The following RANBP2 variants were observed in gnomAD, a reference collection of about 807,000 sequenced individuals.
RANBP2 encodes RAN binding protein 2.
In RANBP2, 57 loss-of-function variants were observed where a neutral mutation model predicts 303.6. The observed-to-expected ratio is 0.19, with a 90% CI of 0.15 to 0.23. RANBP2 has a LOEUF of 0.23. RANBP2 is among the 10% of genes least tolerant of loss of function. The probability of loss-of-function intolerance (pLI) is 1.00; values close to 1 mark genes in which losing one functional copy is unlikely to be tolerated. For synonymous variants in RANBP2, 1,167 were observed against 1,301.5 expected (o/e 0.90, Z 2.23); for missense variants, 3,138 against 3,780.8 (o/e 0.83, Z 4.46).
chr2:109,477,973 A>G, the RANBP2 span, among the ~76,000 whole-genome samples: 4 of 152,150 alleles, frequency 2.6e-5, no homozygotes, highest in Non-Finnish European at 5.9e-5. Context: ...GGGTTCCCGC[A>G]AGGGCCTCCT....
chr2:109,713,113 C>T, the RANBP2 span, among the ~76,000 whole-genome samples: 2 of 152,138 alleles, frequency 1.3e-5, no homozygotes, highest in South Asian at 4.1e-4. Context: ...ACCCTCCCTC[C>T]TCTTGCACTG....
chr2:109,290,610 C>T, the RANBP2 span, among the ~76,000 whole-genome samples: 1 of 152,244 alleles, frequency 6.6e-6, no homozygotes, highest in Non-Finnish European at 1.5e-5. Flanking sequence ...CCTAAGTCTT[C>T]TTGAAGCCTC....
the RANBP2 span, chr2:109,129,593 C>A: frequency 6.7e-7 from 1 of 1,483,636 alleles, no homozygotes; most frequent in Non-Finnish European, 8.9e-7. Flanking sequence ...GCCGCTGCTG[C>A]GCAGAGCGAG....
At chr2:109,476,671 G>A in the RANBP2 span, among the ~76,000 whole-genome samples, 3 of 152,192 alleles carry the variant, frequency 2.0e-5, no homozygotes, top group Non-Finnish European at 2.9e-5. Flanking sequence ...TGGATCTCCC[G>A]CAAGAAAGAA....
At chr2:108,778,783 G>A (rs1678047181) in intron 25 of RANBP2, among the ~76,000 whole-genome samples, 1 of 152,282 alleles carries the variant, frequency 6.6e-6, no homozygotes, top group South Asian at 2.1e-4. Context: ...CTGGAGTGCA[G>A]TGGCATGAAC....
At chr2:108,813,760 A>C in the RANBP2 span, among the ~76,000 whole-genome samples, 176 of 152,342 alleles carry the variant, frequency 1.2e-3, no homozygotes, top group Admixed American at 6.6e-3. Flanking sequence ...ACTTTCCACT[A>C]TCCTAGAAAG....
the RANBP2 span, among the ~76,000 whole-genome samples, chr2:109,282,064 AG>A: frequency 6.6e-6 from 1 of 152,050 alleles, no homozygotes; most frequent in East Asian, 1.9e-4. Flanking sequence ...GTGGGATATG[AG>A]TGGGGGCTGC....
chr2:108,757,013 C>T (rs1426267072), intron 17 of RANBP2, among the ~76,000 whole-genome samples: 1 of 152,056 alleles, frequency 6.6e-6, no homozygotes, highest in Non-Finnish European at 1.5e-5. Context: ...TAGTTTTGGA[C>T]CTCATGGTTA....
rs970001064 is a variant in RANBP2, at chr2:108,785,588, T to G, written c.*1687T>G. On this transcript the variant is annotated 3_prime_UTR_variant, in exon 29 of 29. Coordinates refer to ENST00000283195, the MANE Select transcript of RANBP2 (RefSeq NM_006267.5). The stretch of plus-strand genomic sequence containing the variant: ...AAATTTGACAAAATGACATGTAAAC[T>G]GACTTTTCCCGTATTAGTATTCCAA... The G allele has an allele frequency of 2.6e-5, 4 of 152,244 alleles. No homozygotes were observed. Among genetic ancestry groups the G allele is most frequent in the African/African-American group, 9.6e-5 (4 of 41,464 alleles). 9.4% of individuals were successfully genotyped at this position (152,244 alleles called of 1,614,324 possible). A position where few individuals can be genotyped will look rare whatever the true frequency, so the allele number is the denominator to read the frequency against.
At chr2:109,008,590 TAAA>T in the RANBP2 span, among the ~76,000 whole-genome samples, 37,059 of 145,162 alleles carry the variant, frequency 0.26, 6,258 homozygotes, top group East Asian at 0.82. Context: ...AAGAAAAGGG[TAAA>T]AAAAAAAAAA....
the RANBP2 span, among the ~76,000 whole-genome samples, chr2:109,489,989 T>C: frequency 0.027 from 4,145 of 152,274 alleles, 189 homozygotes; most frequent in African/African-American, 0.093. Flanking sequence ...CTGCCCACCT[T>C]GGCCTCCCAA....
At chr2:109,093,018 G>T in the RANBP2 span, among the ~76,000 whole-genome samples, 1 of 152,126 alleles carries the variant, frequency 6.6e-6, no homozygotes, top group Non-Finnish European at 1.5e-5. Flanking sequence ...GTCTTGTTTT[G>T]TATCCTTAAC....
At chr2:109,490,492 A>T in the RANBP2 span, 3 of 951,188 alleles carry the variant, frequency 3.2e-6, no homozygotes, top group Non-Finnish European at 4.3e-6. Context: ...GTCTGAAAAA[A>T]TAAGAAATTT....
the RANBP2 span, among the ~76,000 whole-genome samples, chr2:108,907,488 T>C: frequency 6.6e-6 from 1 of 151,638 alleles, no homozygotes; most frequent in Non-Finnish European, 1.5e-5. Context: ...TCTACTAAAA[T>C]ATAAAAAAAA....
chr2:108,794,029 T>C, the RANBP2 span, among the ~76,000 whole-genome samples: 1 of 152,144 alleles, frequency 6.6e-6, no homozygotes, highest in Non-Finnish European at 1.5e-5. Context: ...AAATAGGATA[T>C]ACAGTGAAGA....
chr2:109,608,461 G>A, the RANBP2 span, among the ~76,000 whole-genome samples: 3 of 152,188 alleles, frequency 2.0e-5, no homozygotes, highest in Non-Finnish European at 2.9e-5. Context: ...GGAAGGTAAA[G>A]GAAATCAGAG....
chr2:109,701,228 A>G, the RANBP2 span, among the ~76,000 whole-genome samples: 34 of 152,336 alleles, frequency 2.2e-4, no homozygotes, highest in Admixed American at 5.2e-4. Flanking sequence ...TCGGAAAAAA[A>G]CACATTATTT....
chr2:108,829,974 G>C, the RANBP2 span, among the ~76,000 whole-genome samples: 1 of 151,368 alleles, frequency 6.6e-6, no homozygotes, highest in Admixed American at 6.6e-5. Flanking sequence ...TAAACACCAA[G>C]TTTATAGCAA....
the RANBP2 span, among the ~76,000 whole-genome samples, chr2:109,007,271 C>G: frequency 6.6e-6 from 1 of 152,198 alleles, no homozygotes; most frequent in South Asian, 2.1e-4. Flanking sequence ...CTATTTTGAT[C>G]AAACCACCAG....
Sources: gnomAD v4.1 joint callset for allele counts (sites outside exome capture counted in the v4.1 genomes callset) on GRCh38, gnomAD v4.1.1 for gene constraint, MANE v1.5 for transcripts, NCBI Gene and HGNC (gene_info 2026-07-23, HGNC 2026-07-21) for gene names.